Variants in WDR86 observed in about 807,000 individuals in gnomAD.
The protein encoded by WDR86 is WD repeat domain 86, also known as WD repeat-containing protein 86.
WDR86 carries 30 observed loss-of-function variants against 36.5 expected under a neutral mutation model. The ratio of observed to expected loss-of-function variants is 0.82; its 90% CI spans 0.61 to 1.11. The LOEUF (loss-of-function observed/expected upper bound fraction) is 1.11, where lower values mean the gene tolerates loss of function less well. Among genes scored for constraint, WDR86 ranks in the 50% most tolerant of loss-of-function variants. WDR86 has a pLI of 0.00. For missense variants in WDR86, 545 were observed against 561.2 expected, an observed-to-expected ratio of 0.97 and a Z score of 0.29; for synonymous variants, 255 against 252.9, an observed-to-expected ratio of 1.01 and a Z score of -0.08.
At chr7:151,378,715 C>T (rs537463863), downstream of WDR86, among the ~76,000 whole-genome samples, 6 of 152,288 alleles carry the variant, frequency 3.9e-5, no homozygotes, top group African/African-American at 9.6e-5. Context: ...GCTGAGGTGA[C>T]GCGGAGTCTC....
At chr7:151,383,473 CAAAAA>C (rs60998418) in intron 4 of WDR86, among the ~76,000 whole-genome samples, 4 of 130,362 alleles carry the variant, frequency 3.1e-5, no homozygotes, top group Admixed American at 1.5e-4. Flanking sequence ...GACTCCGTCT[CAAAAA>C]AAAAAAAAAA....
chr7:151,406,061 T>TGGCAAGTAATTC lies in WDR86; in HGVS notation c.163+3354_163+3365dup, dbSNP rs2150871836. ...AAAGAGGAGGTCAGGGATAAGCAAG[T>TGGCAAGTAATTC]GGCAAGTAATTCTTCTCTTTGCAGA... On this transcript the variant is annotated intron_variant, in intron 1 of 5. Transcript: ENST00000334493. This position sits in a 1 kb window ranked among gnomAD's most constrained non-coding sequence, Gnocchi z 4.4. 6.6e-6 allele frequency among the ~76,000 whole-genome samples: 1 copy of TGGCAAGTAATTC among 152,336 alleles called. No homozygotes were observed. Among genetic ancestry groups the TGGCAAGTAATTC allele is most frequent in the South Asian group, 2.1e-4 (1 of 4,830 alleles).
intron 1 of WDR86, among the ~76,000 whole-genome samples, chr7:151,407,875 C>T (rs1305125055): frequency 1.3e-5 from 2 of 152,116 alleles, no homozygotes; most frequent in Non-Finnish European, 2.9e-5. Context: ...GCCAGTTCTA[C>T]AGCCCTATTC....
intron 1 of WDR86, among the ~76,000 whole-genome samples, chr7:151,400,732 A>C (rs1800223923): frequency 6.6e-6 from 1 of 152,228 alleles, no homozygotes. Context: ...GATTCTCAGA[A>C]AGCACGGGGT....
At chr7:151,372,860 A>T (rs948472875), downstream of WDR86, among the ~76,000 whole-genome samples, 11 of 152,118 alleles carry the variant, frequency 7.2e-5, no homozygotes, top group Admixed American at 7.2e-4. Flanking sequence ...GGCCTGGTGC[A>T]GCTGAAGGGG....
chr7:151,376,654 T>C (rs760120083), downstream of WDR86: 3 of 1,611,294 alleles, frequency 1.9e-6, no homozygotes, highest in Non-Finnish European at 2.5e-6. Flanking sequence ...TGGGTTTTGA[T>C]GCACTCGTGG....
At position 151,400,112 on chromosome 7, in the gene WDR86, GACGTGTGTCCTCGGTACACC is replaced by G. The variant is rs1250275550; in HGVS notation, c.273_292del (p.Gln91HisfsTer19). The G allele has an allele frequency of 3.1e-6, 5 of 1,601,078 alleles. No homozygotes were observed. Among genetic ancestry groups the G allele is most frequent in the South Asian group, 1.1e-5 (1 of 88,648 alleles). On this transcript the variant is annotated frameshift_variant, in exon 2 of 6. Coordinates refer to ENST00000334493, the MANE Select transcript of WDR86 (RefSeq NM_198285.3). LOFTEE classifies it high-confidence loss of function. ...CAGCCAGGCTGACCTGTTCACGATG[GACGTGTGTCCTCGGTACACC>G]TGCAGACACTGCCCGGTCAGCACGT...
intron 3 of WDR86, among the ~76,000 whole-genome samples, chr7:151,387,427 C>T (rs1359164388): frequency 6.6e-6 from 1 of 152,178 alleles, no homozygotes; most frequent in African/African-American, 2.4e-5. Context: ...GCGCTCCCAG[C>T]CCCAGGGTCC....
rs752130636 is a variant in WDR86 at position 151,381,464 on chromosome 7, G to C, written c.*118C>G. On this transcript the variant is annotated 3_prime_UTR_variant, in exon 6 of 6. Transcript: ENST00000334493. This position sits in a 1 kb window ranked among gnomAD's most constrained non-coding sequence, Gnocchi z 4.8. ...CCTGCGACGGGCTCTCCTCCCGCCCGGGCTTCCTCGCTCCTCGCCCCTCGC... is the reference window on the plus strand; with the variant it reads ...CCTGCGACGGGCTCTCCTCCCGCCCCGGCTTCCTCGCTCCTCGCCCCTCGC... 6.0e-6 allele frequency: 9 copies of C among 1,488,588 alleles called. No individual in the cohort carries two copies. Among genetic ancestry groups the C allele is most frequent in the South Asian group, 1.3e-5 (1 of 79,400 alleles). The allele number at this position is 1,488,588 out of a possible 1,614,324, so 92.2% of individuals were successfully genotyped here.
intron 3 of WDR86, among the ~76,000 whole-genome samples, chr7:151,395,380 C>T (rs1799736997): frequency 6.6e-6 from 1 of 152,152 alleles, no homozygotes; most frequent in Admixed American, 6.5e-5. Flanking sequence ...CACCCCTGTA[C>T]CTATGAATGT....
At chr7:151,386,114 C>T (rs1387924175) in intron 3 of WDR86, among the ~76,000 whole-genome samples, 1 of 152,170 alleles carries the variant, frequency 6.6e-6, no homozygotes, top group Non-Finnish European at 1.5e-5. Context: ...GAGTCAGAAG[C>T]GGGTCAGGCA....
chr7:151,376,587 G>A (rs1301616564), downstream of WDR86: 1 of 1,532,180 alleles, frequency 6.5e-7, no homozygotes, highest in Non-Finnish European at 8.8e-7. Context: ...GGGGGTGGCA[G>A]AAGAGGCGCC....
At chr7:151,374,399 A>T, downstream of WDR86, 1 of 1,033,986 alleles carries the variant, frequency 9.7e-7, no homozygotes, top group Non-Finnish European at 1.4e-6. Context: ...TCCAGCCCAG[A>T]CACAGGCTGC....
downstream of WDR86, among the ~76,000 whole-genome samples, chr7:151,371,494 C>A (rs555882850): frequency 2.0e-5 from 3 of 152,054 alleles, no homozygotes; most frequent in Admixed American, 6.6e-5. Flanking sequence ...GCTGGAGGAA[C>A]GCCAAGACTG....
chr7:151,376,137 A>C (rs1798223122), downstream of WDR86: 2 of 554,530 alleles, frequency 3.6e-6, no homozygotes, highest in Non-Finnish European at 6.5e-6. Flanking sequence ...CTTGGAAAGC[A>C]GGAAAACTGG....
chr7:151,376,807 C>A, downstream of WDR86: 3 of 1,581,404 alleles, frequency 1.9e-6, no homozygotes, highest in Non-Finnish European at 2.6e-6. Context: ...CTTCTGACTC[C>A]GCAGGTAGGT....
Position 151,409,900 on chromosome 7 carries a change from C to G in WDR86, c.-311G>C. Reference sequence around the variant, plus strand: ...ACCGCTCGGAGGATCCACACCCCACCGGGCGAACAAGGCAGCTGCGTCTCT... The same window carrying G: ...ACCGCTCGGAGGATCCACACCCCACGGGGCGAACAAGGCAGCTGCGTCTCT... On this transcript the variant is annotated 5_prime_UTR_variant, in exon 1 of 6. Coordinates refer to ENST00000334493, the MANE Select transcript of WDR86 (RefSeq NM_198285.3). This position sits in a 1 kb window ranked among gnomAD's most constrained non-coding sequence, Gnocchi z 5.2. The G allele has an allele frequency of 8.9e-7, 1 of 1,127,980 alleles. No homozygotes were observed. Among genetic ancestry groups the G allele is most frequent in the Non-Finnish European group, 1.1e-6 (1 of 921,982 alleles). The allele number at this position is 1,127,980 out of a possible 1,614,324, so 69.9% of individuals were successfully genotyped here.
At chr7:151,404,253 T>G (rs1179784956) in intron 1 of WDR86, among the ~76,000 whole-genome samples, 5 of 152,064 alleles carry the variant, frequency 3.3e-5, no homozygotes, top group African/African-American at 1.2e-4. Context: ...ATTTCTGAAC[T>G]GGGCCAGGCT....
downstream of WDR86, among the ~76,000 whole-genome samples, chr7:151,380,866 TCCCA>T (rs1358322809): frequency 2.9e-5 from 4 of 139,802 alleles, no homozygotes; most frequent in Non-Finnish European, 4.5e-5. Context: ...ATGACCCTGC[TCCCA>T]AGCAGGGTCC....
Sources: gnomAD v4.1 joint callset for allele counts (sites outside exome capture counted in the v4.1 genomes callset) on GRCh38, gnomAD v4.1.1 for gene constraint, Gnocchi (gnomAD v3.1) non-coding constraint, MANE v1.5 for transcripts, NCBI Gene and HGNC (gene_info 2026-07-23, HGNC 2026-07-21) for gene names.